HMBOX1: variants seen among roughly 807,000 people sequenced by gnomAD.
The protein encoded by HMBOX1 is homeobox-containing protein 1.
Under a neutral mutation model 54.5 loss-of-function variants are expected in HMBOX1, and 14 were observed. The ratio of observed to expected loss-of-function variants is 0.26; its 90% CI spans 0.17 to 0.40. The LOEUF (loss-of-function observed/expected upper bound fraction) is 0.40, where lower values mean the gene tolerates loss of function less well. Among genes scored for constraint, HMBOX1 ranks in the 10% least tolerant of loss-of-function variants. HMBOX1 has a pLI of 1.00. For missense variants in HMBOX1, 332 were observed against 514.4 expected (o/e 0.65, Z 3.43); for synonymous variants, 160 against 181.0 (o/e 0.88, Z 0.93).
At chr8:28,951,784 A>G (rs775161185) in intron 1 of HMBOX1, among the ~76,000 whole-genome samples, 5 of 152,222 alleles carry the variant, frequency 3.3e-5, no homozygotes, top group Non-Finnish European at 5.9e-5. Context: ...TGCTCTGGTT[A>G]GGCTCTCTGC....
intron 1 of HMBOX1, among the ~76,000 whole-genome samples, chr8:28,911,699 C>T (rs996170622): frequency 2.0e-5 from 3 of 152,142 alleles, no homozygotes; most frequent in African/African-American, 7.2e-5. Flanking sequence ...CTTGCCCCTG[C>T]TGCAGTGGTC....
rs760876225 is a variant in HMBOX1 at position 28,980,103 on chromosome 8, A to G, written c.533A>G (p.Lys178Arg). The G allele has an allele frequency of 1.9e-6, 3 of 1,613,916 alleles. No homozygotes were observed. The South Asian group carries it at 3.3e-5, about 18-fold the overall frequency. ...AGCAGTGTGATAAAAGAGGAAATCA[A>G]AGCCTTTCTTGCCAATCGGAGGATT... is the stretch of plus-strand genomic sequence containing the variant. Reference protein sequence around the residue: ...RDSSVIKEEIKAFLANRRISQ... With the variant: ...RDSSVIKEEIRAFLANRRISQ... Residue 178 changes from lysine to arginine, a missense_variant, in exon 4 of 10, where the codon AAA becomes AGA. Physicochemically the swap from Lys to Arg is conservative, Grantham distance 26. Coordinates refer to ENST00000287701, the MANE Select transcript of HMBOX1 (RefSeq NM_001135726.3).
At chr8:28,906,293 A>G (rs1165529528) in intron 1 of HMBOX1, among the ~76,000 whole-genome samples, 1 of 152,204 alleles carries the variant, frequency 6.6e-6, no homozygotes, top group African/African-American at 2.4e-5. Context: ...TTCTTTATCT[A>G]GAGAAACTTT....
At chr8:29,023,714 C>G (rs534373024) in intron 6 of HMBOX1, among the ~76,000 whole-genome samples, 17 of 152,180 alleles carry the variant, frequency 1.1e-4, no homozygotes, top group Admixed American at 7.8e-4. Context: ...ATTTTAGTAA[C>G]CATAAGATTG....
intron 1 of HMBOX1, among the ~76,000 whole-genome samples, chr8:28,926,463 C>T (rs536222865): frequency 6.6e-6 from 1 of 152,130 alleles, no homozygotes; most frequent in Non-Finnish European, 1.5e-5. Context: ...CTTCTAACAA[C>T]CTCATGACTT....
intron 1 of HMBOX1, chr8:28,955,851 G>C (rs1456531690): frequency 6.6e-6 from 1 of 152,016 alleles, no homozygotes. Context: ...TACTAGGGAG[G>C]CTGAGGCAGG....
intron 1 of HMBOX1, among the ~76,000 whole-genome samples, chr8:28,925,907 G>C (rs1437636510): frequency 1.3e-5 from 2 of 152,166 alleles, no homozygotes; most frequent in African/African-American, 4.8e-5. Context: ...ATTAGAAACA[G>C]TTAAAACCTG....
chr8:28,986,680 T>C (rs575554839), intron 4 of HMBOX1, among the ~76,000 whole-genome samples: 14 of 152,338 alleles, frequency 9.2e-5, no homozygotes, highest in Non-Finnish European at 1.8e-4. Flanking sequence ...ACTCACGTTA[T>C]AATTGTTTTC....
intron 1 of HMBOX1, among the ~76,000 whole-genome samples, chr8:28,910,569 T>C (rs912202493): frequency 6.6e-6 from 1 of 152,236 alleles, no homozygotes; most frequent in African/African-American, 2.4e-5. Flanking sequence ...TATCTTTTTT[T>C]ATTATAGCCA....
intron 1 of HMBOX1, among the ~76,000 whole-genome samples, chr8:28,946,407 A>G (rs950028945): frequency 6.6e-6 from 1 of 151,884 alleles, no homozygotes; most frequent in Non-Finnish European, 1.5e-5. Flanking sequence ...CGTCTCTACT[A>G]AAAATACAAA....
At chr8:28,933,137 A>G (rs1026155900) in intron 1 of HMBOX1, among the ~76,000 whole-genome samples, 4 of 152,194 alleles carry the variant, frequency 2.6e-5, no homozygotes, top group South Asian at 2.1e-4. Flanking sequence ...ATGATAATCT[A>G]TGTAAATAAT....
At chr8:28,893,506 C>T (rs1811454963) in intron 1 of HMBOX1, among the ~76,000 whole-genome samples, 1 of 152,144 alleles carries the variant, frequency 6.6e-6, no homozygotes, top group Non-Finnish European at 1.5e-5. Flanking sequence ...TGTATGGTCA[C>T]AAATACGCAT....
intron 1 of HMBOX1, among the ~76,000 whole-genome samples, chr8:28,895,156 T>A (rs1811855398): frequency 2.0e-5 from 3 of 152,252 alleles, no homozygotes; most frequent in Admixed American, 2.0e-4. Context: ...GTATGTATTC[T>A]CTCTGGCTGC....
intron 4 of HMBOX1, among the ~76,000 whole-genome samples, chr8:29,007,792 AGT>A (rs1833675255): frequency 6.6e-6 from 1 of 152,166 alleles, no homozygotes. Flanking sequence ...TGGGAGACAG[AGT>A]GAGAACCTTT....
chr8:28,926,251 G>C (rs1818435855), intron 1 of HMBOX1, among the ~76,000 whole-genome samples: 1 of 150,912 alleles, frequency 6.6e-6, no homozygotes, highest in African/African-American at 2.4e-5. Context: ...GACTTTATTA[G>C]AGATAAACAT....
intron 4 of HMBOX1, among the ~76,000 whole-genome samples, chr8:28,988,462 G>A (rs1205337950): frequency 6.6e-6 from 1 of 152,204 alleles, no homozygotes; most frequent in African/African-American, 2.4e-5. Context: ...GTGGGATTGT[G>A]GGGTTGTTGG....
chr8:28,917,059 C>A, intron 1 of HMBOX1, among the ~76,000 whole-genome samples: 1 of 146,400 alleles, frequency 6.8e-6, no homozygotes, highest in Non-Finnish European at 1.5e-5. Context: ...AGAGCAAGAC[C>A]CTGTCTCAAA....
chr8:28,941,695 T>G (rs1266451295), intron 1 of HMBOX1, among the ~76,000 whole-genome samples: 1 of 152,220 alleles, frequency 6.6e-6, no homozygotes. Flanking sequence ...CTACTTCCTG[T>G]TCAGTGAGCA....
At chr8:29,028,966 T>A (rs1802492040) in intron 6 of HMBOX1, among the ~76,000 whole-genome samples, 1 of 152,222 alleles carries the variant, frequency 6.6e-6, no homozygotes, top group Admixed American at 6.5e-5. Flanking sequence ...TCTCTCCACT[T>A]CTGCTCTCAT....
Sources: allele counts gnomAD v4.1 joint callset (sites outside exome capture counted in the v4.1 genomes callset), GRCh38; gene constraint gnomAD v4.1.1; transcripts MANE v1.5; gene names NCBI Gene and HGNC (gene_info 2026-07-23, HGNC 2026-07-21).